DNAH12: variants seen among roughly 807,000 people sequenced by gnomAD.
DNAH12 encodes dynein axonemal heavy chain 12.
Under a neutral mutation model 371.5 loss-of-function variants are expected in DNAH12, and 285 were observed. The ratio of observed to expected loss-of-function variants is 0.77; its 90% CI spans 0.70 to 0.85. The LOEUF is 0.85. Among genes scored for constraint, DNAH12 ranks in the 40% least tolerant of loss-of-function variants. The pLI is 0.00. For missense variants in DNAH12, 3,611 were observed against 3,689.4 expected, an observed-to-expected ratio of 0.98 and a Z score of 0.55; for synonymous variants, 1,200 against 1,213.0, an observed-to-expected ratio of 0.99 and a Z score of 0.22.
chr3:57,528,441 C>G (rs1253215368), intron 2 of DNAH12, among the ~76,000 whole-genome samples: 1 of 151,548 alleles, frequency 6.6e-6, no homozygotes, highest in East Asian at 2.0e-4. Flanking sequence ...ATTAATTCTG[C>G]TGGGCCAGGC....
intron 2 of DNAH12, among the ~76,000 whole-genome samples, chr3:57,533,867 T>G (rs572583245): frequency 6.6e-6 from 1 of 152,310 alleles, no homozygotes; most frequent in South Asian, 2.1e-4. Context: ...CACCTGCTGG[T>G]GTCTCAGTAG....
At chr3:57,422,522 G>T (rs2064623803) in intron 35 of DNAH12, among the ~76,000 whole-genome samples, 1 of 152,136 alleles carries the variant, frequency 6.6e-6, no homozygotes, top group Non-Finnish European at 1.5e-5. Context: ...ACCCATACTG[G>T]CTGGGTACAG....
At chr3:57,449,268 G>GCCCGGCTGGCTTCACCTAGTGGAT (rs2065658076) in intron 25 of DNAH12, among the ~76,000 whole-genome samples, 13 of 152,242 alleles carry the variant, frequency 8.5e-5, no homozygotes, top group Admixed American at 8.5e-4. Flanking sequence ...AGACTCAGAA[G>GCCCGGCTGGCTTCACCTAGTGGAT]CCCGGCTGGC....
intron 2 of DNAH12, among the ~76,000 whole-genome samples, 157 bp from the exon 3 acceptor site, chr3:57,524,041 T>C (rs914643580): frequency 2.0e-5 from 3 of 152,200 alleles, no homozygotes; most frequent in Admixed American, 2.0e-4. Context: ...ACATTATCAA[T>C]GAGACCTTAA....
chr3:57,400,547 C>A (rs1374213799), intron 43 of DNAH12, among the ~76,000 whole-genome samples: 1 of 152,118 alleles, frequency 6.6e-6, no homozygotes, highest in Admixed American at 6.5e-5. Flanking sequence ...CCATACATAA[C>A]TATGATTAGA....
At chr3:57,406,215 AT>A (rs1345512942) in intron 40 of DNAH12, among the ~76,000 whole-genome samples, 2 of 151,880 alleles carry the variant, frequency 1.3e-5, no homozygotes, top group Non-Finnish European at 2.9e-5. Context: ...GCCAGGTGTC[AT>A]GGCACGTGCC....
chr3:57,516,546 C>A (rs1302895834), intron 4 of DNAH12, among the ~76,000 whole-genome samples: 1 of 152,140 alleles, frequency 6.6e-6, no homozygotes, highest in Non-Finnish European at 1.5e-5. Flanking sequence ...GCCTAAGAAT[C>A]ATCCTTGGTT....
chr3:57,466,068 TCACACACA>T (rs10616496), intron 17 of DNAH12, among the ~76,000 whole-genome samples: 50 of 149,730 alleles, frequency 3.3e-4, no homozygotes, highest in Middle Eastern at 3.4e-3. Context: ...CACATGCAAT[TCACACACA>T]CACACACACA....
At chr3:57,365,470 G>A (rs2063030689) in intron 57 of DNAH12, among the ~76,000 whole-genome samples, 1 of 152,090 alleles carries the variant, frequency 6.6e-6, no homozygotes, top group Non-Finnish European at 1.5e-5. Context: ...GTGGGTAGGA[G>A]GAGGGAGAGC....
chr3:57,445,891 G>A (rs992394681), intron 27 of DNAH12, 140 bp downstream of exon 27: 5 of 718,968 alleles, frequency 7.0e-6, no homozygotes, highest in Non-Finnish European at 1.0e-5. Flanking sequence ...GGGAGACTGA[G>A]GCAAGAGAAT....
intron 2 of DNAH12, among the ~76,000 whole-genome samples, chr3:57,529,092 G>A (rs1415507806): frequency 3.3e-5 from 5 of 152,114 alleles, no homozygotes; most frequent in Admixed American, 1.3e-4. Context: ...GAGCCATCGC[G>A]CCTGGCCGAT....
chr3:57,387,370 A>G (rs1004393816), intron 45 of DNAH12, among the ~76,000 whole-genome samples, 151 bp from the exon 46 acceptor site: 5 of 152,346 alleles, frequency 3.3e-5, no homozygotes, highest in African/African-American at 1.2e-4. Flanking sequence ...AGAAAACAGA[A>G]TAAGAGGGAC....
chr3:57,480,518 C>A (rs1353175390), intron 13 of DNAH12, among the ~76,000 whole-genome samples: 2 of 151,076 alleles, frequency 1.3e-5, no homozygotes, highest in Non-Finnish European at 2.9e-5. Context: ...ACCATTCCTT[C>A]TGAAACTATT....
intron 35 of DNAH12, among the ~76,000 whole-genome samples, chr3:57,422,232 T>A (rs931541146): frequency 3.3e-5 from 4 of 122,654 alleles, no homozygotes; most frequent in Admixed American, 1.5e-4. Flanking sequence ...TCAAAAAAAA[T>A]TTTTTTTTCT....
At chr3:57,411,925 G>C (rs2064219984) in intron 39 of DNAH12, among the ~76,000 whole-genome samples, 1 of 152,112 alleles carries the variant, frequency 6.6e-6, no homozygotes, top group Non-Finnish European at 1.5e-5. Flanking sequence ...CAACTTTAAG[G>C]CTTACTATAA....
At chr3:57,294,327 C>T (rs2061187583) in intron 73 of DNAH12, among the ~76,000 whole-genome samples, 1 of 152,010 alleles carries the variant, frequency 6.6e-6, no homozygotes, top group African/African-American at 2.4e-5. Context: ...CAGGTGCCTG[C>T]CACCATGCCT....
rs1271893086 is a variant in DNAH12 at position 57,429,738 on chromosome 3, G to A, written c.5017C>T (p.Pro1673Ser). Residue 1673 changes from proline (P) to serine (S), a missense_variant, in exon 33 of 74, where the codon CCC becomes TCC. Physicochemically the swap from Pro to Ser is moderately conservative, Grantham distance 74. Coordinates refer to ENST00000495027, the MANE Select transcript of DNAH12 (RefSeq NM_001366028.2). ...LMSGEIIQMS[P>S]QMSLIFETMD... Reference sequence around the variant, plus strand: ...GTTTCAAAGATGAGGCTCATTTGGGGGGACATCTGAATGATTTCTCCACTC... The same window carrying A: ...GTTTCAAAGATGAGGCTCATTTGGGAGGACATCTGAATGATTTCTCCACTC... 18 of 1,529,726 alleles carry A rather than the reference G, an allele frequency of 1.2e-5. No individual in the cohort carries two copies. Among genetic ancestry groups the A allele is most frequent in the Non-Finnish European group, 1.6e-5 (18 of 1,139,278 alleles). The allele number at this position is 1,529,726 out of a possible 1,614,324, so 94.8% of individuals were successfully genotyped here.
intron 55 of DNAH12, among the ~76,000 whole-genome samples, chr3:57,369,420 C>T (rs2063124847): frequency 1.3e-5 from 2 of 150,208 alleles, no homozygotes; most frequent in Admixed American, 1.3e-4. Flanking sequence ...CTTTCCCATT[C>T]TCTTTCTATT....
intron 49 of DNAH12, among the ~76,000 whole-genome samples, chr3:57,383,765 A>G (rs1370321932): frequency 6.6e-6 from 1 of 151,708 alleles, no homozygotes; most frequent in African/African-American, 2.4e-5. Flanking sequence ...GTCTTAAAAA[A>G]AAAAAAAAAG....
Sources: gnomAD v4.1 joint callset for allele counts (sites outside exome capture counted in the v4.1 genomes callset) on GRCh38, gnomAD v4.1.1 for gene constraint, MANE v1.5 for transcripts, NCBI Gene and HGNC (gene_info 2026-07-23, HGNC 2026-07-21) for gene names.